SGCG: variants seen among roughly 807,000 people sequenced by gnomAD.
SGCG encodes the protein gamma-sarcoglycan.
SGCG carries 26 observed loss-of-function variants against 29.3 expected under a neutral mutation model. The ratio of observed to expected loss-of-function variants is 0.89; its 90% CI spans 0.65 to 1.23. The LOEUF (loss-of-function observed/expected upper bound fraction) is 1.23. Ranked by LOEUF, SGCG falls within the 50% of genes most tolerant of loss-of-function variation. The pLI, the probability that SGCG is intolerant of heterozygous loss-of-function variation, is 0.00. For synonymous variants in SGCG, 145 were observed against 129.7 expected (o/e 1.12, Z -0.80); for missense variants, 353 against 356.0 (o/e 0.99, Z 0.07).
At chr13:23,302,743 ATGGT>A (rs1323935847) in intron 6 of SGCG, among the ~76,000 whole-genome samples, 1 of 152,160 alleles carries the variant, frequency 6.6e-6, no homozygotes, top group Non-Finnish European at 1.5e-5. Context: ...CTTTTAGTGA[ATGGT>A]TGGAACTTTT....
At chr13:23,296,775 C>A (rs1472333653) in intron 6 of SGCG, among the ~76,000 whole-genome samples, 1 of 152,154 alleles carries the variant, frequency 6.6e-6, no homozygotes, top group African/African-American at 2.4e-5. Flanking sequence ...AAAAATCACC[C>A]AGTTCCATAC....
At chr13:23,219,871 G>T (rs1330213198) in intron 2 of SGCG, among the ~76,000 whole-genome samples, 2 of 122,250 alleles carry the variant, frequency 1.6e-5, no homozygotes, top group African/African-American at 6.3e-5. Flanking sequence ...TCGCTCTGTC[G>T]CCCAGGCTGG....
At chr13:23,274,395 C>CTCTTTT (rs1377323937) in intron 4 of SGCG, among the ~76,000 whole-genome samples, 3 of 85,230 alleles carry the variant, frequency 3.5e-5, no homozygotes, top group East Asian at 3.8e-4. Context: ...CTTTCTTTCT[C>CTCTTTT]TTTTTTTTTT....
At chr13:23,186,316 C>G (rs1359086576) in intron 1 of SGCG, among the ~76,000 whole-genome samples, 1 of 152,224 alleles carries the variant, frequency 6.6e-6, no homozygotes, top group Non-Finnish European at 1.5e-5. Flanking sequence ...GCCTGGGTGA[C>G]AAACATATTC....
At chr13:23,311,311 C>G (rs1208923379) in intron 6 of SGCG, among the ~76,000 whole-genome samples, 1 of 152,230 alleles carries the variant, frequency 6.6e-6, no homozygotes, top group Non-Finnish European at 1.5e-5. Context: ...TTAGTTTATA[C>G]TTGAGTATCA....
chr13:23,266,937 T>A (rs1178616988), intron 4 of SGCG, among the ~76,000 whole-genome samples: 1 of 152,122 alleles, frequency 6.6e-6, no homozygotes, highest in African/African-American at 2.4e-5. Context: ...TTTGTAGCAA[T>A]GCAATAATGA....
the SGCG span, among the ~76,000 whole-genome samples, chr13:23,161,923 G>C: frequency 0.084 from 12,794 of 152,210 alleles, 620 homozygotes; most frequent in South Asian, 0.12. Flanking sequence ...TTAACACCGT[G>C]GCCTCACATG....
Position 23,317,403 on chromosome 13 carries a change from CCATG to C in SGCG, c.579-3233_579-3230del, listed in dbSNP as rs538584347. Among the ~76,000 whole-genome samples the C allele has an allele frequency of 5.7e-4, 86 of 152,168 alleles. 1 individual carries two copies. The highest frequency in any genetic ancestry group is 5.6e-3 in the Admixed American group (86 of 15,302). On this transcript the variant is annotated intron_variant, in intron 6 of 7. Coordinates refer to ENST00000218867, the MANE Select transcript of SGCG (RefSeq NM_000231.3). ...TTGGCTCACTCCACCAGGAAAAAAG[CCATG>C]ACCTGCTGAGGTGCTTGCTGAAGGC...
At chr13:23,314,433 ATG>A (rs1380578802) in intron 6 of SGCG, among the ~76,000 whole-genome samples, 5 of 107,854 alleles carry the variant, frequency 4.6e-5, no homozygotes, top group Non-Finnish European at 9.5e-5. Context: ...CTAATAAGAT[ATG>A]TATATAAGAT....
At chr13:23,164,696 C>T in the SGCG span, among the ~76,000 whole-genome samples, 1 of 152,090 alleles carries the variant, frequency 6.6e-6, no homozygotes, top group African/African-American at 2.4e-5. Context: ...GGAGAGGTGC[C>T]ACTCTGCTGT....
chr13:23,253,900 T>C (rs564318316), intron 4 of SGCG, among the ~76,000 whole-genome samples: 1 of 152,320 alleles, frequency 6.6e-6, no homozygotes, highest in Middle Eastern at 3.4e-3. Flanking sequence ...ATGCACCTGC[T>C]CCTTCTTTGC....
intron 2 of SGCG, among the ~76,000 whole-genome samples, chr13:23,209,196 T>C (rs913609251): frequency 3.3e-5 from 5 of 152,158 alleles, no homozygotes; most frequent in African/African-American, 1.2e-4. Context: ...CGTTGATAAG[T>C]ATTGTTTGTT....
chr13:23,267,842 A>G (rs1175783275), intron 4 of SGCG: 1 of 152,150 alleles, frequency 6.6e-6, no homozygotes, highest in African/African-American at 2.4e-5. Flanking sequence ...AAATTCTTCT[A>G]AGGAAACGGG....
At position 23,192,106 on chromosome 13, in the gene SGCG, C is replaced by T. The variant is rs191994800; in HGVS notation, c.-1+11031C>T. Among the ~76,000 whole-genome samples, 589 of 147,432 alleles carry T rather than the reference C, an allele frequency of 4.0e-3. 5 individuals carry two copies. Among genetic ancestry groups the T allele is most frequent in the African/African-American group, 0.014 (559 of 40,034 alleles). On this transcript the variant is annotated intron_variant, in intron 1 of 7. Coordinates refer to ENST00000218867, the MANE Select transcript of SGCG (RefSeq NM_000231.3). ...TGCAGAATGACGTGAACCCGGGAAG[C>T]GGAGTTTGCAGTGAGCCGAGATCGC...
chr13:23,167,243 T>C, the SGCG span, among the ~76,000 whole-genome samples: 1 of 152,214 alleles, frequency 6.6e-6, no homozygotes, highest in Non-Finnish European at 1.5e-5. Context: ...TTCTTTTTTA[T>C]GGCTGAATAG....
At chr13:23,286,262 C>T (rs537156473) in intron 5 of SGCG, among the ~76,000 whole-genome samples, 6 of 152,252 alleles carry the variant, frequency 3.9e-5, no homozygotes, top group African/African-American at 1.2e-4. Flanking sequence ...GCAAATTGAT[C>T]GTGAAATTAA....
At position 23,186,979 on chromosome 13, in the gene SGCG, G is replaced by A. The variant is rs941106269; in HGVS notation, c.-1+5904G>A. On this transcript the variant is annotated intron_variant, in intron 1 of 7. Transcript: ENST00000218867. Reference sequence around the variant, plus strand: ...GTAACCCCCTGGCCACCGAGTGGCTGCTTGGTCTTATTGAGGGATGCTGCT... The same window carrying A: ...GTAACCCCCTGGCCACCGAGTGGCTACTTGGTCTTATTGAGGGATGCTGCT... 3.9e-5 allele frequency among the ~76,000 whole-genome samples: 6 copies of A among 152,312 alleles called. No individual in the cohort carries two copies. In the East Asian group the frequency reaches 1.2e-3, roughly 29 times the overall value.
intron 3 of SGCG, among the ~76,000 whole-genome samples, chr13:23,249,040 C>A (rs1177339412): frequency 6.6e-6 from 1 of 151,082 alleles, no homozygotes; most frequent in African/African-American, 2.4e-5. Context: ...TTATTTATTC[C>A]ATTAGTGAGG....
intron 4 of SGCG, among the ~76,000 whole-genome samples, chr13:23,273,626 C>T (rs1399490440): frequency 6.6e-6 from 1 of 152,158 alleles, no homozygotes; most frequent in African/African-American, 2.4e-5. Flanking sequence ...TTGTATTTCA[C>T]CCAAAAGTTA....
Sources: allele counts gnomAD v4.1 joint callset (sites outside exome capture counted in the v4.1 genomes callset), GRCh38; gene constraint gnomAD v4.1.1; transcripts MANE v1.5; gene names NCBI Gene and HGNC (gene_info 2026-07-23, HGNC 2026-07-21).